C12orf75: variants seen among roughly 807,000 people sequenced by gnomAD.
C12orf75 encodes chromosome 12 open reading frame 75.
In C12orf75, 4 loss-of-function variants were observed where a neutral mutation model predicts 11.4. The ratio of observed to expected loss-of-function variants is 0.35; its 90% CI spans 0.17 to 0.80. The LOEUF (loss-of-function observed/expected upper bound fraction) is 0.80. Among genes scored for constraint, C12orf75 ranks in the 30% least tolerant of loss-of-function variants. The probability of loss-of-function intolerance (pLI) is 0.52; values close to 1 mark genes in which losing one functional copy is unlikely to be tolerated. For synonymous variants in C12orf75, 30 were observed against 30.0 expected (o/e 1.00, Z 0.00); for missense variants, 89 against 80.4 (o/e 1.11, Z -0.41).
chr12:105,362,200 A>C (rs1465962525), intron 2 of C12orf75, among the ~76,000 whole-genome samples: 3 of 148,138 alleles, frequency 2.0e-5, no homozygotes, highest in African/African-American at 5.0e-5. Flanking sequence ...TCCTGGCTAA[A>C]ACGGTGAAAC....
At chr12:105,365,693 A>G in intron 2 of C12orf75, 114 bp from the exon 3 acceptor site, 2 of 736,784 alleles carry the variant, frequency 2.7e-6, no homozygotes, top group Non-Finnish European at 4.9e-6. Context: ...AGTCTGATGG[A>G]AACATTTGAA....
At chr12:105,342,839 C>T (rs1892591245) in intron 1 of C12orf75, among the ~76,000 whole-genome samples, 1 of 152,182 alleles carries the variant, frequency 6.6e-6, no homozygotes, top group African/African-American at 2.4e-5. Flanking sequence ...GATGAAACTG[C>T]AATATCAGAT....
intron 1 of C12orf75, among the ~76,000 whole-genome samples, chr12:105,334,768 T>A (rs117413203): frequency 0.013 from 2,047 of 152,358 alleles, 27 homozygotes; most frequent in Middle Eastern, 0.031. Flanking sequence ...GTCTCCGGAC[T>A]AGGCAGAGAA....
chr12:105,360,878 C>T lies in C12orf75; in HGVS notation c.72-4929C>T, dbSNP rs540355640. On this transcript the variant is annotated intron_variant, in intron 2 of 5. Transcript: ENST00000443585. ...GCAACCTCCGCCTCCCAGGTTCAAGCGATTCTCCTGCCTCAGCCTCCCGAG... is the reference window on the plus strand; with the variant it reads ...GCAACCTCCGCCTCCCAGGTTCAAGTGATTCTCCTGCCTCAGCCTCCCGAG... Among the ~76,000 whole-genome samples the T allele has an allele frequency of 3.4e-3, 516 of 152,166 alleles. 4 individuals carry two copies. Among genetic ancestry groups the T allele is most frequent in the Non-Finnish European group, 4.9e-3 (331 of 67,982 alleles).
At chr12:105,364,933 C>T (rs1286227079) in intron 2 of C12orf75, among the ~76,000 whole-genome samples, 4 of 151,496 alleles carry the variant, frequency 2.6e-5, no homozygotes, top group Non-Finnish European at 4.4e-5. Flanking sequence ...CCTCCACCTC[C>T]CGGGTTCAAG....
intron 2 of C12orf75, among the ~76,000 whole-genome samples, chr12:105,350,385 G>A (rs1892696622): frequency 6.6e-6 from 1 of 152,216 alleles, no homozygotes; most frequent in Admixed American, 6.5e-5. Context: ...GGGCTGTGCA[G>A]AGCTTCTTCA....
At chr12:105,336,764 G>T (rs1566135462) in intron 1 of C12orf75, among the ~76,000 whole-genome samples, 1 of 152,164 alleles carries the variant, frequency 6.6e-6, no homozygotes, top group Non-Finnish European at 1.5e-5. Flanking sequence ...TGGGTAACTG[G>T]AAGGAGGTTG....
chr12:105,356,736 T>A (rs1426756599), intron 2 of C12orf75, among the ~76,000 whole-genome samples: 1 of 152,182 alleles, frequency 6.6e-6, no homozygotes, highest in Non-Finnish European at 1.5e-5. Context: ...TTAGGTCACT[T>A]GGGATAGCTA....
At chr12:105,338,501 A>G (rs1033835084) in intron 1 of C12orf75, among the ~76,000 whole-genome samples, 2 of 152,136 alleles carry the variant, frequency 1.3e-5, no homozygotes, top group Non-Finnish European at 1.5e-5. Flanking sequence ...TGCCTAAAGT[A>G]TAGCTGCTTG....
rs150683511 is a variant in C12orf75 at position 105,371,393 on chromosome 12, A to G, written c.*793A>G. 2 of 152,214 alleles carry G rather than the reference A, an allele frequency of 1.3e-5. No homozygotes were observed. Among genetic ancestry groups the G allele is most frequent in the South Asian group, 4.1e-4 (2 of 4,824 alleles). The allele number at this position is 152,214 out of a possible 1,614,324, so 9.4% of individuals were successfully genotyped here. ...TTCTATAACTTTTCAAGGACTTGCGATGGATGGTTAGTGGGATATCTGGAA... is the reference window on the plus strand; with the variant it reads ...TTCTATAACTTTTCAAGGACTTGCGGTGGATGGTTAGTGGGATATCTGGAA... On this transcript the variant is annotated 3_prime_UTR_variant, in exon 6 of 6. Transcript: ENST00000443585.
At position 105,330,933 on chromosome 12, in the gene C12orf75, C is replaced by G; in HGVS notation, c.42C>G (p.Gly14=). The part of the protein sequence containing the change: ...GNSTATSAGA[G]QGPAGAAKDV... ...CCACCGCCACCAGCGCGGGCGCGGG[C>G]CAAGGTGAGTCCGGCGGGAGGCGGG... Residue 14 remains glycine, a synonymous_variant, in exon 1 of 6, where the codon GGC becomes GGG. Coordinates refer to ENST00000443585, the MANE Select transcript of C12orf75 (RefSeq NM_001145199.2). The G allele has an allele frequency of 8.1e-7, 1 of 1,236,266 alleles. No individual in the cohort carries two copies. The highest frequency in any genetic ancestry group is 1.0e-6 in the Non-Finnish European group (1 of 991,438). The allele number at this position is 1,236,266 out of a possible 1,614,324, so 76.6% of individuals were successfully genotyped here. A position where few individuals can be genotyped will look rare whatever the true frequency, so the allele number is the denominator to read the frequency against.
At chr12:105,354,220 C>A (rs1180379884) in intron 2 of C12orf75, among the ~76,000 whole-genome samples, 1 of 152,066 alleles carries the variant, frequency 6.6e-6, no homozygotes, top group Non-Finnish European at 1.5e-5. Context: ...GTTTAAAATC[C>A]CCTTCACCAT....
intron 1 of C12orf75, 98 bp from the exon 2 acceptor site, chr12:105,348,504 C>A: frequency 3.0e-6 from 2 of 658,656 alleles, no homozygotes; most frequent in African/African-American, 2.0e-5. Context: ...AACCCATTTT[C>A]TCTTCAGGAA....
intron 2 of C12orf75, chr12:105,353,443 C>T (rs1892738579): frequency 6.6e-6 from 1 of 152,170 alleles, no homozygotes; most frequent in African/African-American, 2.4e-5. Context: ...GTGGGGTGCT[C>T]ATTGGCCAGG....
chr12:105,330,978 G>C (rs1427840795), intron 1 of C12orf75, 41 bp downstream of exon 1: 2 of 1,106,636 alleles, frequency 1.8e-6, no homozygotes, highest in African/African-American at 3.2e-5. Context: ...GGGCGGGCGG[G>C]AGAGGCGGCG....
intron 1 of C12orf75, among the ~76,000 whole-genome samples, chr12:105,340,104 C>T (rs1892548902): frequency 1.3e-5 from 2 of 152,024 alleles, no homozygotes; most frequent in Admixed American, 6.6e-5. Flanking sequence ...TCTGTAGGAA[C>T]CAAGATATTG....
chr12:105,341,751 T>C (rs1439945599), intron 1 of C12orf75, among the ~76,000 whole-genome samples: 1 of 152,186 alleles, frequency 6.6e-6, no homozygotes, highest in South Asian at 2.1e-4. Context: ...TCCAGTAATA[T>C]GGTTTGGCTG....
chr12:105,340,089 A>G (rs529191094), intron 1 of C12orf75, among the ~76,000 whole-genome samples: 3 of 152,242 alleles, frequency 2.0e-5, no homozygotes, highest in East Asian at 1.9e-4. Flanking sequence ...TCAAAGGACC[A>G]TCTGTCTGTA....
intron 2 of C12orf75, among the ~76,000 whole-genome samples, chr12:105,357,982 C>T (rs1892809874): frequency 6.6e-6 from 1 of 152,050 alleles, no homozygotes; most frequent in African/African-American, 2.4e-5. Context: ...GTAGCTGGGA[C>T]TACAGGTGCA....
Sources: allele counts gnomAD v4.1 joint callset (sites outside exome capture counted in the v4.1 genomes callset), GRCh38; gene constraint gnomAD v4.1.1; transcripts MANE v1.5; gene names NCBI Gene and HGNC (gene_info 2026-07-23, HGNC 2026-07-21).